MDGA2: variants seen among roughly 807,000 people sequenced by gnomAD.
The protein encoded by MDGA2 is MAM domain-containing glycosylphosphatidylinositol anchor protein 2.
Under a neutral mutation model 117.8 loss-of-function variants are expected in MDGA2, and 40 were observed. The ratio of observed to expected loss-of-function variants is 0.34; its 90% CI spans 0.26 to 0.44. The LOEUF is 0.44. MDGA2 is among the 20% of genes least tolerant of loss of function. The probability of loss-of-function intolerance (pLI) is 1.00; values close to 1 mark genes in which losing one functional copy is unlikely to be tolerated. For missense variants in MDGA2, 1,123 were observed against 1,250.6 expected (o/e 0.90, Z 1.54); for synonymous variants, 452 against 439.0 (o/e 1.03, Z -0.37).
chr14:47,258,677 T>C (rs962843723), intron 2 of MDGA2, among the ~76,000 whole-genome samples: 2 of 152,114 alleles, frequency 1.3e-5, no homozygotes, highest in Non-Finnish European at 2.9e-5. Flanking sequence ...AAATGTATTA[T>C]ATAATGTGAA....
intron 3 of MDGA2, among the ~76,000 whole-genome samples, chr14:47,161,463 A>G (rs1883629872): frequency 6.6e-6 from 1 of 152,012 alleles, no homozygotes; most frequent in South Asian, 2.1e-4. Context: ...TTATGGTTAG[A>G]ACTTATGCCA....
At chr14:47,261,825 A>T (rs1252385745) in intron 2 of MDGA2, among the ~76,000 whole-genome samples, 7 of 152,140 alleles carry the variant, frequency 4.6e-5, no homozygotes, top group Non-Finnish European at 1.0e-4. Context: ...ATGAGTGTAA[A>T]CTAAACCAGC....
chr14:47,513,369 A>G (rs1251909443), intron 1 of MDGA2, among the ~76,000 whole-genome samples: 1 of 152,110 alleles, frequency 6.6e-6, no homozygotes, highest in Non-Finnish European at 1.5e-5. Context: ...TCACTTTAAT[A>G]TATACATGGG....
chr14:47,049,700 T>C (rs377757333), intron 7 of MDGA2, among the ~76,000 whole-genome samples: 1 of 152,058 alleles, frequency 6.6e-6, no homozygotes, highest in Non-Finnish European at 1.5e-5. Flanking sequence ...ACCCTATATA[T>C]AGAGGGCTGA....
Position 46,951,175 on chromosome 14 carries a change from T to C in MDGA2, c.2089+6199A>G, listed in dbSNP as rs180821405. On this transcript the variant is annotated intron_variant, in intron 9 of 16. Coordinates refer to ENST00000399232, the MANE Select transcript of MDGA2 (RefSeq NM_001113498.3). ...GTGAGAGTAGCAGTTACAGGCAAAA[T>C]TTTGCTTTGTAAAACCCTATTTGGC... 1.5e-3 allele frequency among the ~76,000 whole-genome samples: 221 copies of C among 151,916 alleles called. 1 individual carries two copies. The highest frequency in any genetic ancestry group is 2.8e-3 in the Non-Finnish European group (187 of 67,904).
chr14:46,853,315 C>G (rs973664940), intron 15 of MDGA2, among the ~76,000 whole-genome samples: 1 of 151,764 alleles, frequency 6.6e-6, no homozygotes, highest in African/African-American at 2.4e-5. Flanking sequence ...GTGACACTTT[C>G]AAGCAATTTT....
intron 5 of MDGA2, among the ~76,000 whole-genome samples, chr14:47,110,516 T>A (rs924730509): frequency 2.2e-4 from 33 of 152,220 alleles, no homozygotes; most frequent in African/African-American, 8.0e-4. Context: ...AAATATTTTG[T>A]CTGAAAAAGA....
intron 2 of MDGA2, among the ~76,000 whole-genome samples, chr14:47,296,700 A>G (rs531380942): frequency 8.1e-4 from 123 of 152,374 alleles, no homozygotes; most frequent in African/African-American, 2.6e-3. Context: ...CATTTTGAGG[A>G]AGGAAACTAT....
chr14:47,191,623 T>G (rs2139407498), intron 3 of MDGA2, among the ~76,000 whole-genome samples: 1 of 152,210 alleles, frequency 6.6e-6, no homozygotes, highest in South Asian at 2.1e-4. Flanking sequence ...AATGACCCTA[T>G]GTCCATGAAA....
chr14:47,116,818 CAT>C (rs1881354341), intron 5 of MDGA2, among the ~76,000 whole-genome samples: 1 of 151,596 alleles, frequency 6.6e-6, no homozygotes, highest in South Asian at 2.1e-4. Context: ...TATAAGAAAA[CAT>C]AGAGGAAAAG....
chr14:47,273,162 C>G (rs777104774), intron 2 of MDGA2, among the ~76,000 whole-genome samples: 1 of 152,096 alleles, frequency 6.6e-6, no homozygotes, highest in Non-Finnish European at 1.5e-5. Context: ...TTTAAAAAAT[C>G]TTGCAAATCA....
At chr14:46,891,838 A>ACTTTTTAT (rs1374556527) in intron 10 of MDGA2, among the ~76,000 whole-genome samples, 2 of 151,464 alleles carry the variant, frequency 1.3e-5, no homozygotes, top group East Asian at 3.9e-4. Context: ...TACTTATAAT[A>ACTTTTTAT]AATATCATAA....
intron 4 of MDGA2, among the ~76,000 whole-genome samples, chr14:47,132,783 A>C (rs1199228343): frequency 6.6e-6 from 1 of 151,954 alleles, no homozygotes. Flanking sequence ...GGATACTATA[A>C]AAATTCAAAA....
chr14:47,332,768 C>T (rs1481000785), intron 1 of MDGA2, among the ~76,000 whole-genome samples: 1 of 151,830 alleles, frequency 6.6e-6, no homozygotes, highest in Non-Finnish European at 1.5e-5. Flanking sequence ...AAATCGTGCA[C>T]ATTGTACTCA....
chr14:46,913,470 A>G (rs1883782599), intron 10 of MDGA2, among the ~76,000 whole-genome samples: 1 of 141,184 alleles, frequency 7.1e-6, no homozygotes, highest in African/African-American at 2.6e-5. Flanking sequence ...AACAATAAGC[A>G]AAAATTATTC....
At chr14:47,077,241 G>T (rs1890529461) in intron 6 of MDGA2, among the ~76,000 whole-genome samples, 2 of 151,894 alleles carry the variant, frequency 1.3e-5, no homozygotes, top group East Asian at 3.9e-4. Context: ...TTTTTACTTT[G>T]TGTCAGTTGC....
At chr14:47,051,209 G>C (rs913492337) in intron 7 of MDGA2, among the ~76,000 whole-genome samples, 2 of 151,664 alleles carry the variant, frequency 1.3e-5, no homozygotes, top group African/African-American at 4.8e-5. Context: ...TGCTTCTGGG[G>C]TCTATTTCCT....
chr14:47,012,341 C>T (rs575472006), intron 8 of MDGA2, among the ~76,000 whole-genome samples: 2 of 152,082 alleles, frequency 1.3e-5, no homozygotes, highest in Non-Finnish European at 2.9e-5. Flanking sequence ...TCAGAGTGAA[C>T]ATTTTCCACT....
chr14:47,572,648 T>C (rs1896042103), intron 1 of MDGA2, among the ~76,000 whole-genome samples: 1 of 152,152 alleles, frequency 6.6e-6, no homozygotes, highest in African/African-American at 2.4e-5. Context: ...CTTCTCTAGG[T>C]CCTCTGGGAG....
Sources: gnomAD v4.1 joint callset for allele counts (sites outside exome capture counted in the v4.1 genomes callset) on GRCh38, gnomAD v4.1.1 for gene constraint, MANE v1.5 for transcripts, NCBI Gene and HGNC (gene_info 2026-07-23, HGNC 2026-07-21) for gene names.